The following PLCE1 variants were observed in gnomAD, a reference collection of about 807,000 sequenced individuals.
The protein encoded by PLCE1 is 1-phosphatidylinositol 4,5-bisphosphate phosphodiesterase epsilon-1.
A neutral mutation model predicts 242.8 loss-of-function variants in PLCE1; 119 were observed. The observed-to-expected ratio is 0.49, with a 90% CI of 0.42 to 0.57. The LOEUF is 0.57. Ranked by LOEUF, PLCE1 falls within the 20% of genes least tolerant of loss-of-function variation. The pLI, the probability that PLCE1 is intolerant of heterozygous loss-of-function variation, is 0.00. For missense variants in PLCE1, 2,441 were observed against 2,788.8 expected (o/e 0.88, Z 2.81); for synonymous variants, 945 against 1,017.4 (o/e 0.93, Z 1.35).
chr10:94,040,906 G>T (rs906574342), intron 2 of PLCE1, among the ~76,000 whole-genome samples: 2 of 152,128 alleles, frequency 1.3e-5, no homozygotes, highest in Admixed American at 6.5e-5. Flanking sequence ...ATAAGGGTTA[G>T]GGAGCACAGC....
intron 1 of PLCE1, among the ~76,000 whole-genome samples, chr10:94,014,667 G>T (rs928656800): frequency 2.6e-5 from 4 of 152,110 alleles, no homozygotes; most frequent in Admixed American, 2.6e-4. Context: ...TTAAAGCCCC[G>T]ATGGATCATG....
chr10:94,194,609 T>A (rs908163461), intron 4 of PLCE1, among the ~76,000 whole-genome samples: 1 of 152,230 alleles, frequency 6.6e-6, no homozygotes, highest in Non-Finnish European at 1.5e-5. Context: ...TGGCTCAGAT[T>A]TGAATTCAGA....
At chr10:94,227,537 C>G in intron 5 of PLCE1, 86 bp downstream of exon 5, 1 of 1,256,744 alleles carries the variant, frequency 8.0e-7, no homozygotes, top group South Asian at 1.2e-5. Flanking sequence ...AGGGACTCAC[C>G]TTTACCCAAG....
chr10:94,138,451 G>T, intron 3 of PLCE1: 1 of 428,430 alleles, frequency 2.3e-6, no homozygotes, highest in Non-Finnish European at 4.6e-6. Context: ...TCTGAGATGG[G>T]ATTGATAATG....
At chr10:94,039,891 CT>C (rs1564641111) in intron 2 of PLCE1, among the ~76,000 whole-genome samples, 1 of 152,102 alleles carries the variant, frequency 6.6e-6, no homozygotes, top group East Asian at 1.9e-4. Context: ...ATTGAGCTGT[CT>C]TTTTTATTTT....
chr10:93,997,941 C>T (rs2060860013), intron 1 of PLCE1, among the ~76,000 whole-genome samples: 2 of 152,244 alleles, frequency 1.3e-5, no homozygotes, highest in South Asian at 4.2e-4. Context: ...ATATTCATAA[C>T]TGTTATGGGG....
At chr10:94,174,328 A>C (rs1338040058) in intron 4 of PLCE1, among the ~76,000 whole-genome samples, 2 of 152,234 alleles carry the variant, frequency 1.3e-5, no homozygotes, top group African/African-American at 4.8e-5. Context: ...AAAAATTTCA[A>C]TTAATAAATG....
chr10:94,110,304 C>T (rs184706464), intron 2 of PLCE1, among the ~76,000 whole-genome samples: 181 of 151,996 alleles, frequency 1.2e-3, no homozygotes, highest in Non-Finnish European at 2.2e-3. Context: ...CCTCGTGATC[C>T]GCCTGCCTCG....
intron 1 of PLCE1, among the ~76,000 whole-genome samples, chr10:94,001,413 G>C (rs547165066): frequency 6.6e-6 from 1 of 152,162 alleles, no homozygotes; most frequent in Non-Finnish European, 1.5e-5. Flanking sequence ...AACTCAGCTA[G>C]CATTTGTATA....
intron 3 of PLCE1, chr10:94,138,129 C>T (rs976731879): frequency 1.1e-5 from 4 of 379,816 alleles, no homozygotes; most frequent in African/African-American, 8.4e-5. Flanking sequence ...ACAGACATCA[C>T]CATGAACCAG....
chr10:94,049,014 T>C (rs941118851), intron 2 of PLCE1, among the ~76,000 whole-genome samples: 4 of 152,080 alleles, frequency 2.6e-5, no homozygotes, highest in African/African-American at 9.7e-5. Flanking sequence ...TGCTCCTGCC[T>C]CAGCCTTCCA....
chr10:94,108,535 A>C (rs2045837563), intron 2 of PLCE1: 1 of 152,278 alleles, frequency 6.6e-6, no homozygotes, highest in Non-Finnish European at 1.5e-5. Context: ...AGGAGGACTG[A>C]CTAAGATAAT....
At chr10:94,317,543 A>C (rs1184980330) in intron 29 of PLCE1, among the ~76,000 whole-genome samples, 1 of 152,216 alleles carries the variant, frequency 6.6e-6, no homozygotes, top group Non-Finnish European at 1.5e-5. Context: ...GTAAAATAAT[A>C]ATATTTCTTT....
intron 2 of PLCE1, among the ~76,000 whole-genome samples, chr10:94,044,813 A>AT (rs140708317): frequency 0.17 from 26,502 of 151,714 alleles, 2,873 homozygotes; most frequent in Non-Finnish European, 0.24. Context: ...CAAAACTTCG[A>AT]TTTTTTTTTC....
At chr10:94,243,656 T>C (rs1195745591) in intron 7 of PLCE1, among the ~76,000 whole-genome samples, 1 of 152,198 alleles carries the variant, frequency 6.6e-6, no homozygotes, top group Non-Finnish European at 1.5e-5. Context: ...TGAGCATAAC[T>C]AGCATCCAGG....
At chr10:94,096,716 A>C (rs2045328337) in intron 2 of PLCE1, 1 of 152,228 alleles carries the variant, frequency 6.6e-6, no homozygotes, top group African/African-American at 2.4e-5. Context: ...GCACGAAATC[A>C]CATGATGGTT....
rs33974566 is a variant in PLCE1 at position 94,110,058 on chromosome 10, C to CTTTTTTTTTTTTTTTTTTTTTTTTTT, written c.1207-22094_1207-22093insTTTTTTTTTTTTTTTTTTTTTTTTTT. On this transcript the variant is annotated intron_variant, in intron 2 of 32. Coordinates refer to ENST00000371380, the MANE Select transcript of PLCE1 (RefSeq NM_016341.4). ...AGACCCTTTCCTTTTTTTCTTTTTT[C>CTTTTTTTTTTTTTTTTTTTTTTTTTT]TTTTTTTTTTTTTTTTTTTTTTGAG... 6.6e-5 allele frequency among the ~76,000 whole-genome samples: 5 copies of CTTTTTTTTTTTTTTTTTTTTTTTTTT among 75,886 alleles called. 1 individual carries two copies. Among genetic ancestry groups the CTTTTTTTTTTTTTTTTTTTTTTTTTT allele is most frequent in the East Asian group, 8.8e-4 (2 of 2,266 alleles). The allele number at this position is 75,886 out of a possible 152,430, so 49.8% of individuals were successfully genotyped here.
chr10:94,149,843 G>A lies in PLCE1; in HGVS notation c.1492+17384G>A, dbSNP rs142239216. Among the ~76,000 whole-genome samples, 31 of 152,240 alleles carry A rather than the reference G, an allele frequency of 2.0e-4. No individual in the cohort carries two copies. The East Asian group carries it at 6.0e-3, about 29-fold the overall frequency. ...ATGATTCTTCCTTCAGAGACAGCAGGGGCTGGGCAGTCGGGTCCCTTCAGG... is the reference window on the plus strand; with the variant it reads ...ATGATTCTTCCTTCAGAGACAGCAGAGGCTGGGCAGTCGGGTCCCTTCAGG... On this transcript the variant is annotated intron_variant, in intron 3 of 32. Coordinates refer to ENST00000371380, the MANE Select transcript of PLCE1 (RefSeq NM_016341.4).
intron 5 of PLCE1, among the ~76,000 whole-genome samples, chr10:94,230,394 C>T (rs2050103205): frequency 1.3e-5 from 2 of 149,836 alleles, no homozygotes; most frequent in South Asian, 4.3e-4. Flanking sequence ...GTGCAATCTT[C>T]GCTCACTGCA....
Sources: gnomAD v4.1 joint callset for allele counts (sites outside exome capture counted in the v4.1 genomes callset) on GRCh38, gnomAD v4.1.1 for gene constraint, MANE v1.5 for transcripts, NCBI Gene and HGNC (gene_info 2026-07-23, HGNC 2026-07-21) for gene names.